Variants in ABCA4 observed in about 807,000 individuals in gnomAD.
ABCA4 encodes retinal-specific phospholipid-transporting ATPase ABCA4.
ABCA4 carries 196 observed loss-of-function variants against 263.7 expected under a neutral mutation model. The observed-to-expected ratio is 0.74, with a 90% CI of 0.66 to 0.84. ABCA4 has a LOEUF of 0.84. Among genes scored for constraint, ABCA4 ranks in the 40% least tolerant of loss-of-function variants. ABCA4 has a pLI of 0.00. For synonymous variants in ABCA4, 1,133 were observed against 1,094.2 expected (o/e 1.04, Z -0.70); for missense variants, 2,792 against 2,855.1 (o/e 0.98, Z 0.50).
Position 94,035,372 on chromosome 1 carries a change from C to T in ABCA4, c.3862+1368G>A, listed in dbSNP as rs560697493. Among the ~76,000 whole-genome samples the T allele has an allele frequency of 1.3e-4, 20 of 152,326 alleles. 1 individual carries two copies. In the South Asian group the frequency reaches 3.9e-3, roughly 30 times the overall value. ...GGGTTCTGTGGTGAATTGCTGCTGT[C>T]CCCTGGAGAGGACTGCTTCCTGCCC... On this transcript the variant is annotated intron_variant, in intron 26 of 49. Transcript: ENST00000370225.
intron 7 of ABCA4, 139 bp from the exon 8 acceptor site, chr1:94,080,857 CTGCG>C: frequency 7.5e-7 from 1 of 1,325,756 alleles, no homozygotes; most frequent in Non-Finnish European, 1.1e-6. Flanking sequence ...CTTAATCCAG[CTGCG>C]AAAAACAAAA....
chr1:93,997,958 G>T lies in ABCA4; in HGVS notation c.6632C>A (p.Ser2211Tyr). The stretch of plus-strand genomic sequence containing the variant: ...GAAGATCCTCGCCAGGGAGGAGGAG[G>T]AGACCTGGAACTGGAGCATGTTGTA... ...RHYNMLQFQV[S>Y]SSSLARIFQL... Residue 2211 changes from serine to tyrosine, a missense_variant, in exon 48 of 50, where the codon TCC (serine) becomes TAC (tyrosine). Physicochemically the swap from Ser to Tyr is moderately radical, Grantham distance 144. Coordinates refer to ENST00000370225, the MANE Select transcript of ABCA4 (RefSeq NM_000350.3). The T allele has an allele frequency of 1.2e-6, 2 of 1,614,148 alleles. No individual in the cohort carries two copies. Among genetic ancestry groups the T allele is most frequent in the Non-Finnish European group, 8.5e-7 (1 of 1,180,022 alleles).
intron 7 of ABCA4, among the ~76,000 whole-genome samples, chr1:94,080,953 A>C (rs549364088): frequency 1.3e-5 from 2 of 152,286 alleles, no homozygotes; most frequent in East Asian, 3.9e-4. Context: ...GGCCGGGCGC[A>C]GTGGCTCATG....
intron 5 of ABCA4, among the ~76,000 whole-genome samples, chr1:94,100,177 T>C (rs1662251615): frequency 6.6e-6 from 1 of 152,170 alleles, no homozygotes; most frequent in Admixed American, 6.5e-5. Context: ...AGGCACAGGT[T>C]ACAGCTGACC....
At chr1:94,046,802 C>T (rs1660697175) in intron 19 of ABCA4, 117 bp downstream of exon 19, 1 of 1,305,084 alleles carries the variant, frequency 7.7e-7, no homozygotes, top group Non-Finnish European at 1.1e-6. Flanking sequence ...ATTTTTGGGG[C>T]CGCAAATATT....
intron 14 of ABCA4, among the ~76,000 whole-genome samples, chr1:94,058,414 T>A (rs991405697): frequency 1.3e-5 from 2 of 152,150 alleles, no homozygotes; most frequent in Non-Finnish European, 2.9e-5. Context: ...CAGGCTAGAG[T>A]GCAGTGATAT....
intron 45 of ABCA4, 193 bp downstream of exon 45, chr1:94,001,665 G>T (rs4147865): frequency 6.2e-6 from 5 of 811,736 alleles, no homozygotes; most frequent in East Asian, 2.7e-5. Flanking sequence ...AGGCTGTGCC[G>T]TGACTTGTTT....
chr1:94,004,075 T>C (rs7537325), intron 44 of ABCA4, among the ~76,000 whole-genome samples: 37,527 of 152,132 alleles, frequency 0.25, 4,953 homozygotes, highest in African/African-American at 0.33. Context: ...GGAATGTTAT[T>C]AAGACAAAAG....
chr1:94,112,898 C>A, intron 2 of ABCA4, 75 bp downstream of exon 2: 3 of 1,128,746 alleles, frequency 2.7e-6, no homozygotes. Context: ...ACACTCCCAC[C>A]CCAAGATCTT....
In ABCA4 at chr1:94,007,667, A is replaced by G. The variant is rs1331016486; in HGVS notation, c.5972T>C (p.Val1991Ala). The G allele has an allele frequency of 1.2e-6, 2 of 1,614,118 alleles. No individual in the cohort carries two copies. The highest frequency in any genetic ancestry group is 1.1e-5 in the South Asian group (1 of 91,078). The change falls in exon 43 of 50, where the codon GTG becomes GCG. Residue 1991 changes from valine (V) to alanine (A), a missense_variant. Physicochemically the swap from Val to Ala is moderately conservative, Grantham distance 64 (BLOSUM62 0). Coordinates refer to ENST00000370225, the MANE Select transcript of ABCA4 (RefSeq NM_000350.3). ...TGCTACGGTGGCATCCCCTGAGGTC[A>G]CTGTGGTGTCCCCAGTGAGCATCTT... ...TFKMLTGDTT[V>A]TSGDATVAGK... is the part of the protein sequence containing the mutation.
In ABCA4 at chr1:94,048,919, C is replaced by A. The variant is rs61749441; in HGVS notation, c.2692G>T (p.Glu898Ter). ...TREERALEKT[E>*]PLTEETEDPE... ...TCCTCCGTTTCCTCTGTTAGGGGCT[C>A]GGTCTTTTCCAGGGCTCTTTCTTCT... Residue 898 changes from glutamate to a stop codon, truncating the protein, a stop_gained, in exon 18 of 50, where the codon GAG becomes TAG. Coordinates refer to ENST00000370225, the MANE Select transcript of ABCA4 (RefSeq NM_000350.3). LOFTEE classifies it high-confidence loss of function. 1 of 1,614,082 alleles carries A rather than the reference C, an allele frequency of 6.2e-7. No individual in the cohort carries two copies. The highest frequency in any genetic ancestry group is 8.5e-7 in the Non-Finnish European group (1 of 1,180,018).
At position 94,031,864 on chromosome 1, in the gene ABCA4, T is replaced by C; in HGVS notation, c.4042A>G (p.Thr1348Ala). 1.2e-6 allele frequency: 2 copies of C among 1,614,196 alleles called. No individual in the cohort carries two copies. Among genetic ancestry groups the C allele is most frequent in the Non-Finnish European group, 1.7e-6 (2 of 1,180,034 alleles). Residue 1348 changes from threonine (T) to alanine (A), a missense_variant, in exon 27 of 50, where the codon ACA (threonine) becomes GCA (alanine). Coordinates refer to ENST00000370225, the MANE Select transcript of ABCA4 (RefSeq NM_000350.3). ...ECPGPQLNTG[T>A]QLVLQHVQAL... ...TGCACATGCTGGAGGACCAGCTGTG[T>C]CCCCGTGTTGAGCTGCGGGCCTGGG...
chr1:94,041,788 G>T (rs756749948), intron 22 of ABCA4, among the ~76,000 whole-genome samples: 2 of 152,082 alleles, frequency 1.3e-5, no homozygotes, highest in Non-Finnish European at 2.9e-5. Flanking sequence ...CTCACTAACT[G>T]GAGATGTCAT....
At chr1:94,034,318 CTCT>C (rs1249026209) in intron 26 of ABCA4, among the ~76,000 whole-genome samples, 7 of 152,156 alleles carry the variant, frequency 4.6e-5, no homozygotes, top group African/African-American at 1.7e-4. Flanking sequence ...CTCTTCTTCT[CTCT>C]TCTTCTTCCC....
chr1:94,116,026 A>G (rs1413314293), intron 1 of ABCA4, among the ~76,000 whole-genome samples: 2 of 152,100 alleles, frequency 1.3e-5, no homozygotes, highest in Non-Finnish European at 1.5e-5. Flanking sequence ...AAGCTAGTGC[A>G]TTGTCATCCT....
At chr1:94,018,756 C>T (rs148844905) in intron 36 of ABCA4, among the ~76,000 whole-genome samples, 10 of 152,192 alleles carry the variant, frequency 6.6e-5, no homozygotes, top group African/African-American at 1.9e-4. Context: ...TATAACTAGG[C>T]CTTTACTACC....
At chr1:94,104,967 A>G (rs1053070325) in intron 4 of ABCA4, among the ~76,000 whole-genome samples, 2 of 151,946 alleles carry the variant, frequency 1.3e-5, no homozygotes, top group Middle Eastern at 3.2e-3. Flanking sequence ...ACACACACGC[A>G]TGCACACACA....
chr1:94,018,458 G>C, intron 36 of ABCA4: 1 of 432,566 alleles, frequency 2.3e-6, no homozygotes, highest in Non-Finnish European at 4.6e-6. Flanking sequence ...GTAGACAGAA[G>C]AGAGAGGAAA....
intron 1 of ABCA4, among the ~76,000 whole-genome samples, chr1:94,117,002 C>G (rs1478964748): frequency 9.0e-6 from 1 of 110,516 alleles, no homozygotes; most frequent in Non-Finnish European, 1.9e-5. Flanking sequence ...TTCTTTCTTT[C>G]TTTCTTTCTT....
Sources: gnomAD v4.1 joint callset for allele counts (sites outside exome capture counted in the v4.1 genomes callset) on GRCh38, gnomAD v4.1.1 for gene constraint, MANE v1.5 for transcripts, NCBI Gene and HGNC (gene_info 2026-07-23, HGNC 2026-07-21) for gene names.